The following NUP155 variants were observed in gnomAD, a reference collection of about 807,000 sequenced individuals.
NUP155 encodes nuclear pore complex protein Nup155.
Under a neutral mutation model 180.4 loss-of-function variants are expected in NUP155, and 71 were observed. The ratio of observed to expected loss-of-function variants is 0.39; its 90% CI spans 0.33 to 0.48. The LOEUF (loss-of-function observed/expected upper bound fraction) is 0.48, where lower values mean the gene tolerates loss of function less well. Among genes scored for constraint, NUP155 ranks in the 20% least tolerant of loss-of-function variants. The pLI, the probability that NUP155 is intolerant of heterozygous loss-of-function variation, is 0.91. For synonymous variants in NUP155, 582 were observed against 559.5 expected (o/e 1.04, Z -0.57); for missense variants, 1,553 against 1,648.9 (o/e 0.94, Z 1.01).
intron 20 of NUP155, among the ~76,000 whole-genome samples, chr5:37,320,490 AAAAG>A (rs1258658370): frequency 2.0e-5 from 3 of 152,216 alleles, no homozygotes; most frequent in Admixed American, 6.5e-5. Context: ...ATTAAAAAGA[AAAAG>A]AGAGAGAGAG....
chr5:37,299,090 CATT>C, intron 31 of NUP155, 112 bp from the exon 32 acceptor site: 1 of 728,898 alleles, frequency 1.4e-6, no homozygotes, highest in Non-Finnish European at 2.5e-6. Context: ...CAGATAGTCA[CATT>C]AATATGATTA....
chr5:37,329,282 T>C lies in NUP155; in HGVS notation c.1725-4A>G. The C allele has an allele frequency of 1.9e-6, 3 of 1,610,158 alleles. No individual in the cohort carries two copies. The highest frequency in any genetic ancestry group is 2.6e-6 in the Non-Finnish European group (3 of 1,176,456). On this transcript the variant is annotated splice_region_variant and splice_polypyrimidine_tract_variant and intron_variant, in intron 15 of 34. Coordinates refer to ENST00000231498, the MANE Select transcript of NUP155 (RefSeq NM_153485.3). ...CATCTGTGCTTCACCACCATACCTA[T>C]TTTTATGACAAGAGGTTGAGTTTAT...
At position 37,302,839 on chromosome 5, in the gene NUP155, A is replaced by G; in HGVS notation, c.3387T>C (p.Thr1129=). 12 of 1,614,072 alleles carry G rather than the reference A, an allele frequency of 7.4e-6. No individual in the cohort carries two copies. The highest frequency in any genetic ancestry group is 2.2e-5 in the East Asian group (1 of 44,866). ...ARAILSAKSS[T]AISSIAADGE... ...CATCGGCAGCTATTGATGAAATGGC[A>G]GTGGAACTTTTGGCACTAAGAATGG... is the stretch of plus-strand genomic sequence containing the variant. The change falls in exon 29 of 35, where the codon ACT becomes ACC. Residue 1129 remains threonine, a synonymous_variant. Coordinates refer to ENST00000231498, the MANE Select transcript of NUP155 (RefSeq NM_153485.3).
At chr5:37,306,149 G>C (rs1743141209) in intron 25 of NUP155, among the ~76,000 whole-genome samples, 1 of 151,964 alleles carries the variant, frequency 6.6e-6, no homozygotes, top group Non-Finnish European at 1.5e-5. Context: ...TCAGCACTTT[G>C]GGAGGCTGAG....
At chr5:37,295,683 G>A (rs1742501038) in intron 32 of NUP155, among the ~76,000 whole-genome samples, 1 of 149,796 alleles carries the variant, frequency 6.7e-6, no homozygotes, top group African/African-American at 2.5e-5. Context: ...GATGTGGGGA[G>A]CGCCTCTGCC....
chr5:37,331,179 G>A (rs998501364), intron 14 of NUP155, among the ~76,000 whole-genome samples: 1 of 151,720 alleles, frequency 6.6e-6, no homozygotes, highest in Non-Finnish European at 1.5e-5. Context: ...CAACAACAGA[G>A]AATAAAAATC....
Position 37,341,230 on chromosome 5 carries a change from T to C in NUP155, c.1106A>G (p.Tyr369Cys). ...CTGTCTGAATGGACAAGTGCTAAAA[T>C]ATAACCTAACACCTGAAGATGGGGT... ...LAVTHAGVRL[Y>C]FSTCPFRQPL... Residue 369 changes from tyrosine (Y) to cysteine (C), a missense_variant, in exon 11 of 35, where the codon TAT becomes TGT. Transcript: ENST00000231498. The C allele has an allele frequency of 6.2e-7, 1 of 1,613,976 alleles. No homozygotes were observed. The highest frequency in any genetic ancestry group is 8.5e-7 in the Non-Finnish European group (1 of 1,179,856).
At chr5:37,312,256 G>C (rs1333959630) in intron 22 of NUP155, among the ~76,000 whole-genome samples, 2 of 151,902 alleles carry the variant, frequency 1.3e-5, no homozygotes, top group Admixed American at 1.3e-4. Context: ...CACTACCTAT[G>C]AAGTATTCTA....
chr5:37,370,404 G>A (rs560144535), intron 1 of NUP155, among the ~76,000 whole-genome samples: 9 of 152,160 alleles, frequency 5.9e-5, no homozygotes, highest in Non-Finnish European at 1.3e-4. Context: ...AAAGCAAAGC[G>A]TATCTTTAAG....
At chr5:37,328,257 G>T in intron 17 of NUP155, 101 bp downstream of exon 17, 1 of 910,992 alleles carries the variant, frequency 1.1e-6, no homozygotes, top group Non-Finnish European at 1.7e-6. Flanking sequence ...TTATTTTCAA[G>T]GGAATAAGGC....
intron 1 of NUP155, among the ~76,000 whole-genome samples, chr5:37,365,752 T>TAA (rs1403169370): frequency 2.6e-5 from 1 of 37,888 alleles, no homozygotes; most frequent in Non-Finnish European, 4.5e-5. Flanking sequence ...TATATATATA[T>TAA]ACACACACAC....
chr5:37,289,364 T>C lies in NUP155; in HGVS notation c.*2536A>G, dbSNP rs972552211. The C allele has an allele frequency of 6.6e-6, 1 of 152,164 alleles. No individual in the cohort carries two copies. The highest frequency in any genetic ancestry group is 2.4e-5 in the African/African-American group (1 of 41,442). 9.4% of individuals were successfully genotyped at this position (152,164 alleles called of 1,614,324 possible). ...AAACACCAAGTACAAAGTATACTAA[T>C]ACAGTGGATAAATGCTACTCCAACT... On this transcript the variant is annotated 3_prime_UTR_variant, in exon 35 of 35. Transcript: ENST00000231498.
Position 37,367,231 on chromosome 5 carries a change from G to GT in NUP155, c.158-2848dup, listed in dbSNP as rs1387344679. Among the ~76,000 whole-genome samples the GT allele has an allele frequency of 2.3e-3, 346 of 149,966 alleles. 2 individuals are homozygous for GT. Among genetic ancestry groups the GT allele is most frequent in the African/African-American group, 8.0e-3 (327 of 40,870 alleles). Reference sequence around the variant, plus strand: ...AGCTAATTTTTTTTTTGTTTTTGGGGTTTTTTTTTGGGATGGGCTCTCGCT... The same window carrying GT: ...AGCTAATTTTTTTTTTGTTTTTGGGGTTTTTTTTTTGGGATGGGCTCTCGCT... On this transcript the variant is annotated intron_variant, in intron 1 of 34. Coordinates refer to ENST00000231498, the MANE Select transcript of NUP155 (RefSeq NM_153485.3).
chr5:37,324,350 T>C (rs551458669), intron 19 of NUP155, among the ~76,000 whole-genome samples: 179 of 152,314 alleles, frequency 1.2e-3, no homozygotes, highest in Middle Eastern at 3.4e-3. Context: ...TATTTTTGTA[T>C]AGTCATCACC....
intron 22 of NUP155, among the ~76,000 whole-genome samples, chr5:37,311,433 T>C (rs1398789565): frequency 6.6e-6 from 1 of 151,882 alleles, no homozygotes; most frequent in African/African-American, 2.4e-5. Context: ...ATTATTCTAC[T>C]TGGTATGAAA....
intron 32 of NUP155, among the ~76,000 whole-genome samples, chr5:37,294,752 G>GA (rs1222967688): frequency 2.7e-5 from 4 of 150,584 alleles, no homozygotes; most frequent in African/African-American, 4.9e-5. Context: ...CAGCTTAAAA[G>GA]AAAAAAAAAG....
intron 1 of NUP155, among the ~76,000 whole-genome samples, chr5:37,367,166 T>C (rs1372847724): frequency 6.6e-6 from 1 of 151,436 alleles, no homozygotes; most frequent in Non-Finnish European, 1.5e-5. Context: ...CACCACAGCC[T>C]CGTGAGTAGC....
intron 16 of NUP155, 147 bp from the exon 17 acceptor site, chr5:37,328,567 G>C (rs1294451580): frequency 1.6e-6 from 1 of 632,696 alleles, no homozygotes; most frequent in African/African-American, 1.8e-5. Context: ...GCAGTGGCAT[G>C]ATCTCGGCTC....
At chr5:37,312,094 C>T (rs551539665) in intron 22 of NUP155, among the ~76,000 whole-genome samples, 2 of 152,096 alleles carry the variant, frequency 1.3e-5, no homozygotes, top group East Asian at 3.9e-4. Context: ...TAATAAATTC[C>T]AGCAATGATT....
Sources: gnomAD v4.1 joint callset for allele counts (sites outside exome capture counted in the v4.1 genomes callset) on GRCh38, gnomAD v4.1.1 for gene constraint, MANE v1.5 for transcripts, NCBI Gene and HGNC (gene_info 2026-07-23, HGNC 2026-07-21) for gene names.